The following ABHD3 variants were observed in gnomAD, a reference collection of about 807,000 sequenced individuals.
ABHD3 encodes the protein phospholipase ABHD3.
ABHD3 carries 46 observed loss-of-function variants against 48.8 expected under a neutral mutation model. The observed-to-expected ratio is 0.94, with a 90% confidence interval of 0.74 to 1.20. The LOEUF (loss-of-function observed/expected upper bound fraction) is 1.20, where lower values mean the gene tolerates loss of function less well. Among genes scored for constraint, ABHD3 ranks in the 50% most tolerant of loss-of-function variants. The pLI is 0.00. For missense variants in ABHD3, 490 were observed against 497.8 expected (o/e 0.98, Z 0.15); for synonymous variants, 192 against 183.7 (o/e 1.04, Z -0.36).
At position 21,703,108 on chromosome 18, in the gene ABHD3, T is replaced by C. The variant is rs578139832; in HGVS notation, c.326+476A>G. 5.3e-5 allele frequency among the ~76,000 whole-genome samples: 8 copies of C among 152,130 alleles called. No individual in the cohort carries two copies. The East Asian group carries it at 1.5e-3, about 29-fold the overall frequency. On this transcript the variant is annotated intron_variant, in intron 2 of 8. Transcript: ENST00000289119. The stretch of plus-strand genomic sequence containing the variant: ...CCTGATAAATCCTGGACCGTATCTT[T>C]AACACATCAAGAGCTATTATCATCA...
In ABHD3 at chr18:21,661,678, GT is replaced by G. The variant is rs376271512; in HGVS notation, c.669-2336del. The G allele has an allele frequency of 3.7e-4, 54 of 146,632 alleles. 1 individual carries two copies. The highest frequency in any genetic ancestry group is 1.8e-3 in the East Asian group (9 of 5,046). 9.1% of individuals were successfully genotyped at this position (146,632 alleles called of 1,614,324 possible). On this transcript the variant is annotated intron_variant, in intron 5 of 8. Transcript: ENST00000289119. The stretch of plus-strand genomic sequence containing the variant: ...AAACCCACAAAACATAAACTCCACT[GT>G]TTTTTTTTTTGAGATGGAGTTTTGC...
chr18:21,667,771 G>A (rs2039667967), intron 4 of ABHD3, among the ~76,000 whole-genome samples: 1 of 152,060 alleles, frequency 6.6e-6, no homozygotes, highest in African/African-American at 2.4e-5. Context: ...ATTTAGAGAG[G>A]TTAAATAACT....
intron 4 of ABHD3, 63 bp downstream of exon 4, chr18:21,683,857 T>C: frequency 1.4e-6 from 2 of 1,446,916 alleles, no homozygotes; most frequent in South Asian, 2.8e-5. Flanking sequence ...AATATGCTTT[T>C]TGTTATAAAA....
At chr18:21,678,010 C>T (rs770462532) in intron 4 of ABHD3, among the ~76,000 whole-genome samples, 26 of 151,544 alleles carry the variant, frequency 1.7e-4, no homozygotes, top group Non-Finnish European at 2.8e-4. Flanking sequence ...AGCTGGAGTG[C>T]AATGGCACAA....
At chr18:21,669,761 T>C (rs1362180383) in intron 4 of ABHD3, among the ~76,000 whole-genome samples, 2 of 152,162 alleles carry the variant, frequency 1.3e-5, no homozygotes, top group Non-Finnish European at 2.9e-5. Flanking sequence ...CGACATGGCA[T>C]TCTCCCTCTC....
At chr18:21,671,292 C>T (rs1406866451) in intron 4 of ABHD3, among the ~76,000 whole-genome samples, 1 of 152,044 alleles carries the variant, frequency 6.6e-6, no homozygotes, top group African/African-American at 2.4e-5. Flanking sequence ...TTGATGGGTT[C>T]CAACAGGAAA....
At chr18:21,702,909 T>C (rs535743764) in intron 2 of ABHD3, among the ~76,000 whole-genome samples, 1 of 152,338 alleles carries the variant, frequency 6.6e-6, no homozygotes, top group South Asian at 2.1e-4. Context: ...GCAGTCTCCT[T>C]GTATAGTATA....
chr18:21,679,649 C>G (rs1468136065), intron 4 of ABHD3, among the ~76,000 whole-genome samples: 1 of 152,154 alleles, frequency 6.6e-6, no homozygotes, highest in Non-Finnish European at 1.5e-5. Flanking sequence ...CTGCCTCAGC[C>G]TCCCGAGTAG....
intron 4 of ABHD3, among the ~76,000 whole-genome samples, chr18:21,676,993 T>C (rs1344516274): frequency 1.3e-5 from 2 of 152,176 alleles, no homozygotes; most frequent in Non-Finnish European, 2.9e-5. Context: ...AATTTAAGAA[T>C]ATTTTTATCA....
intron 3 of ABHD3, among the ~76,000 whole-genome samples, chr18:21,689,758 AC>A (rs35123848): frequency 0.15 from 22,511 of 152,068 alleles, 1,979 homozygotes; most frequent in Middle Eastern, 0.26. Flanking sequence ...GAAACACACT[AC>A]AAGCAACCCA....
At chr18:21,686,266 C>T (rs2040127179) in intron 3 of ABHD3, among the ~76,000 whole-genome samples, 1 of 152,166 alleles carries the variant, frequency 6.6e-6, no homozygotes, top group Admixed American at 6.5e-5. Flanking sequence ...TTCAGTTGGC[C>T]ATTTGTATTT....
chr18:21,674,315 C>T (rs1470391712), intron 4 of ABHD3, among the ~76,000 whole-genome samples: 6 of 150,892 alleles, frequency 4.0e-5, no homozygotes, highest in Admixed American at 1.3e-4. Flanking sequence ...GATCATGGCT[C>T]GCTGCAGCCT....
chr18:21,663,594 G>A, intron 5 of ABHD3: 3 of 1,354,450 alleles, frequency 2.2e-6, no homozygotes, highest in Non-Finnish European at 3.0e-6. Context: ...GGAGTAGGGG[G>A]TTAACAAAAT....
chr18:21,664,680 GA>G (rs2039581442), intron 4 of ABHD3: 2 of 156,280 alleles, frequency 1.3e-5, no homozygotes, highest in Non-Finnish European at 2.8e-5. Flanking sequence ...ACTCAGGCTA[GA>G]TTGCAGTGGC....
At chr18:21,662,667 T>C (rs759387122) in intron 5 of ABHD3, among the ~76,000 whole-genome samples, 2 of 152,034 alleles carry the variant, frequency 1.3e-5, no homozygotes, top group Non-Finnish European at 2.9e-5. Flanking sequence ...ATAAAACACA[T>C]CCCCAAGTGG....
At chr18:21,655,560 C>T (rs943677970) in intron 8 of ABHD3, among the ~76,000 whole-genome samples, 3 of 151,514 alleles carry the variant, frequency 2.0e-5, no homozygotes, top group East Asian at 2.0e-4. Flanking sequence ...GGAAAGTTGG[C>T]GGGGTGTGGT....
At chr18:21,673,936 G>A (rs1256932018) in intron 4 of ABHD3, among the ~76,000 whole-genome samples, 1 of 152,088 alleles carries the variant, frequency 6.6e-6, no homozygotes, top group Non-Finnish European at 1.5e-5. Flanking sequence ...CTTCCCAGGG[G>A]ACTCTAATGG....
intron 4 of ABHD3, among the ~76,000 whole-genome samples, chr18:21,674,835 C>A (rs897238403): frequency 2.0e-5 from 3 of 152,054 alleles, no homozygotes; most frequent in Non-Finnish European, 2.9e-5. Context: ...CTGGCCCTGA[C>A]CTCTATACCC....
intron 8 of ABHD3, among the ~76,000 whole-genome samples, chr18:21,653,052 CAAAAAAAAAAAAAA>C (rs745321830): frequency 4.9e-3 from 24 of 4,902 alleles, no homozygotes; most frequent in African/African-American, 0.021. Flanking sequence ...GACTCCATCT[CAAAAAAAAAAAAAA>C]AAAAAAAAAA....
Sources: allele counts gnomAD v4.1 joint callset (sites outside exome capture counted in the v4.1 genomes callset), GRCh38; gene constraint gnomAD v4.1.1; transcripts MANE v1.5; gene names NCBI Gene and HGNC (gene_info 2026-07-23, HGNC 2026-07-21).